Variants in VOPP1 observed in about 807,000 individuals in gnomAD.
The protein encoded by VOPP1 is WW domain binding protein VOPP1.
In VOPP1, 8 loss-of-function variants were observed where a neutral mutation model predicts 23.5. The ratio of observed to expected loss-of-function variants is 0.34; its 90% confidence interval spans 0.20 to 0.61. The LOEUF (loss-of-function observed/expected upper bound fraction) is 0.61. Ranked by LOEUF, VOPP1 falls within the 20% of genes least tolerant of loss-of-function variation. VOPP1 has a pLI of 0.78. For synonymous variants in VOPP1, 83 were observed against 97.3 expected (o/e 0.85, Z 0.86); for missense variants, 174 against 238.1 (o/e 0.73, Z 1.77).
rs115318225 is a variant in VOPP1, at chr7:55,542,483, C to T, written c.55-21353G>A. On this transcript the variant is annotated intron_variant, in intron 1 of 4. Transcript: ENST00000285279. ...ACCTTCATGAGATCAAATATTTTAG[C>T]TTCCACATATGATTAAGAACAGGCA... 3.4e-3 allele frequency among the ~76,000 whole-genome samples: 512 copies of T among 152,282 alleles called. 3 individuals carry two copies. Among genetic ancestry groups the T allele is most frequent in the African/African-American group, 0.011 (470 of 41,562 alleles).
chr7:55,567,538 T>C (rs922095952), intron 1 of VOPP1, among the ~76,000 whole-genome samples: 14 of 152,306 alleles, frequency 9.2e-5, no homozygotes, highest in South Asian at 2.1e-4. Context: ...ATCCTTGCCA[T>C]GTATTTCTAA....
At chr7:55,492,106 C>A (rs1249142823) in intron 4 of VOPP1, among the ~76,000 whole-genome samples, 176 bp downstream of exon 4, 1 of 152,196 alleles carries the variant, frequency 6.6e-6, no homozygotes, top group Non-Finnish European at 1.5e-5. Flanking sequence ...GTGCGATATA[C>A]CTTACATTTG....
chr7:55,534,107 C>T (rs1409268307), intron 1 of VOPP1, among the ~76,000 whole-genome samples: 3 of 148,460 alleles, frequency 2.0e-5, no homozygotes, highest in Admixed American at 6.8e-5. Flanking sequence ...TGTTAAAATC[C>T]GTGAAGGAAA....
chr7:55,499,735 G>A (rs1794233598), intron 2 of VOPP1, among the ~76,000 whole-genome samples: 1 of 152,146 alleles, frequency 6.6e-6, no homozygotes, highest in African/African-American at 2.4e-5. Context: ...CTGACACAGG[G>A]TCTCAGTGCT....
chr7:55,534,895 T>C (rs1397323564), intron 1 of VOPP1, among the ~76,000 whole-genome samples: 1 of 152,184 alleles, frequency 6.6e-6, no homozygotes, highest in Non-Finnish European at 1.5e-5. Context: ...ATCCACGTGG[T>C]CAAGCCTTGT....
chr7:55,507,115 C>G (rs1794776504), intron 2 of VOPP1, among the ~76,000 whole-genome samples: 1 of 152,174 alleles, frequency 6.6e-6, no homozygotes, highest in African/African-American at 2.4e-5. Context: ...GGATAAAACT[C>G]AAACCAGGAG....
intron 2 of VOPP1, among the ~76,000 whole-genome samples, chr7:55,506,525 C>G (rs528986883): frequency 6.6e-6 from 1 of 151,152 alleles, no homozygotes; most frequent in South Asian, 2.1e-4. Context: ...TTGGTAGAGA[C>G]GGGGTTTCGC....
rs3211244 is a variant in VOPP1 at position 55,470,851 on chromosome 7, T to C, written c.*2004A>G. 0.32 allele frequency: 47,861 copies of C among 151,628 alleles called. 8,124 individuals carry two copies. Among genetic ancestry groups the C allele is most frequent in the Non-Finnish European group, 0.39 (26,417 of 67,798 alleles). The allele number at this position is 151,628 out of a possible 1,614,324, so 9.4% of individuals were successfully genotyped here. ...GAATGGCCAGGAAATGTCACCGAAG[T>C]GGGACTTCCATATGCAGGATCAGCG... On this transcript the variant is annotated 3_prime_UTR_variant, in exon 5 of 5. Coordinates refer to ENST00000285279, the MANE Select transcript of VOPP1 (RefSeq NM_030796.5).
intron 4 of VOPP1, among the ~76,000 whole-genome samples, chr7:55,440,698 C>T (rs529802675): frequency 1.3e-5 from 2 of 152,184 alleles, no homozygotes; most frequent in Non-Finnish European, 2.9e-5. Context: ...GGAGCACAAG[C>T]GTGTGCCTGG....
At chr7:55,517,254 TAA>T (rs1055935015) in intron 2 of VOPP1, among the ~76,000 whole-genome samples, 28 of 151,446 alleles carry the variant, frequency 1.8e-4, no homozygotes, top group African/African-American at 6.6e-4. Context: ...CGGCCTAATT[TAA>T]GTTTTTTTTT....
At chr7:55,440,402 C>T (rs1300732051) in intron 4 of VOPP1, among the ~76,000 whole-genome samples, 5 of 152,220 alleles carry the variant, frequency 3.3e-5, no homozygotes, top group Non-Finnish European at 7.3e-5. Flanking sequence ...GGGCAAGAGA[C>T]CATCCGTTTT....
chr7:55,544,331 C>A (rs1259565639), intron 1 of VOPP1, among the ~76,000 whole-genome samples: 1 of 152,114 alleles, frequency 6.6e-6, no homozygotes, highest in Non-Finnish European at 1.5e-5. Flanking sequence ...GAAATTGGAA[C>A]AAAATAAATG....
At chr7:55,533,975 G>A (rs964096003) in intron 1 of VOPP1, among the ~76,000 whole-genome samples, 7 of 152,134 alleles carry the variant, frequency 4.6e-5, no homozygotes, top group African/African-American at 1.7e-4. Context: ...CCTCAGTGTT[G>A]TAAATAAGCA....
At chr7:55,537,803 C>T (rs1796890863) in intron 1 of VOPP1, 1 of 996,982 alleles carries the variant, frequency 1.0e-6, no homozygotes, top group Non-Finnish European at 1.4e-6. Flanking sequence ...TCCCACAGCC[C>T]CCACTTCCCC....
chr7:55,550,199 G>A (rs547139475), intron 1 of VOPP1, among the ~76,000 whole-genome samples: 3 of 152,346 alleles, frequency 2.0e-5, no homozygotes, highest in South Asian at 4.1e-4. Context: ...CAATAAAGCC[G>A]CCATAAAAGC....
chr7:55,571,955 A>C, intron 1 of VOPP1: 8 of 254,352 alleles, frequency 3.1e-5, no homozygotes, highest in Admixed American at 5.6e-5. Context: ...TGCGGCGGGG[A>C]GAGGGGGCGG....
intron 1 of VOPP1, among the ~76,000 whole-genome samples, chr7:55,542,113 AT>A (rs913313684): frequency 3.0e-4 from 45 of 152,176 alleles, no homozygotes; most frequent in African/African-American, 7.0e-4. Context: ...TCCAGCATGT[AT>A]TTTTTTTAAC....
chr7:55,465,085 T>G (rs1040323356), intron 4 of VOPP1, among the ~76,000 whole-genome samples: 1 of 152,222 alleles, frequency 6.6e-6, no homozygotes, highest in African/African-American at 2.4e-5. Context: ...AGATGTTCCC[T>G]GTCACTTCTC....
At chr7:55,457,109 G>A (rs1791385980) in intron 4 of VOPP1, among the ~76,000 whole-genome samples, 1 of 152,000 alleles carries the variant, frequency 6.6e-6, no homozygotes, top group Non-Finnish European at 1.5e-5. Context: ...CAACTTCCCA[G>A]CCTCTGGTAA....
Sources: allele counts gnomAD v4.1 joint callset (sites outside exome capture counted in the v4.1 genomes callset), GRCh38; gene constraint gnomAD v4.1.1; transcripts MANE v1.5; gene names NCBI Gene and HGNC (gene_info 2026-07-23, HGNC 2026-07-21).